The following TRIM66 variants were observed in gnomAD, a reference collection of about 807,000 sequenced individuals.
TRIM66 encodes the protein tripartite motif-containing protein 66.
Under a neutral mutation model 148.2 loss-of-function variants are expected in TRIM66, and 99 were observed. The observed-to-expected ratio is 0.67, with a 90% CI of 0.57 to 0.79. The LOEUF is 0.79. TRIM66 is among the 30% of genes least tolerant of loss of function. The pLI, the probability that TRIM66 is intolerant of heterozygous loss-of-function variation, is 0.00. For synonymous variants in TRIM66, 616 were observed against 635.9 expected (o/e 0.97, Z 0.47); for missense variants, 1,666 against 1,697.9 (o/e 0.98, Z 0.33).
chr11:8,678,569 C>A (rs918730645), intron 3 of TRIM66, among the ~76,000 whole-genome samples: 5 of 152,100 alleles, frequency 3.3e-5, no homozygotes, highest in Non-Finnish European at 5.9e-5. Context: ...GTTGTACTGT[C>A]TATTACGTAT....
chr11:8,661,017 T>C (rs1021108998), intron 6 of TRIM66, among the ~76,000 whole-genome samples: 4 of 152,152 alleles, frequency 2.6e-5, no homozygotes, highest in East Asian at 1.9e-4. Flanking sequence ...CTGCAAGCAA[T>C]TGGAAGCCTT....
In TRIM66 at chr11:8,616,328, A is replaced by T. The variant is rs969307685; in HGVS notation, c.*1616T>A. ...AGAAGAAATGTTTTCTAATTAAAAA[A>T]CTGCTCATTAGCAAAGGCCCTACAA... On this transcript the variant is annotated 3_prime_UTR_variant, in exon 25 of 25. Transcript: ENST00000646038. 1 of 152,224 alleles carries T rather than the reference A, an allele frequency of 6.6e-6. No individual in the cohort carries two copies. Among genetic ancestry groups the T allele is most frequent in the Middle Eastern group, 3.2e-3 (1 of 316 alleles). The allele number at this position is 152,224 out of a possible 1,614,324, so 9.4% of individuals were successfully genotyped here.
At chr11:8,668,678 C>A (rs1043520809) in intron 6 of TRIM66, among the ~76,000 whole-genome samples, 1 of 152,002 alleles carries the variant, frequency 6.6e-6, no homozygotes, top group Non-Finnish European at 1.5e-5. Flanking sequence ...CTCCGCCTCC[C>A]GGGTTCACAC....
At chr11:8,626,050 A>G (rs1439774346) in intron 15 of TRIM66, among the ~76,000 whole-genome samples, 1 of 152,228 alleles carries the variant, frequency 6.6e-6, no homozygotes, top group Non-Finnish European at 1.5e-5. Flanking sequence ...CTCCAAAATT[A>G]TTTTCTTACA....
chr11:8,623,000 C>A, intron 17 of TRIM66, 124 bp from the exon 18 acceptor site: 1 of 761,744 alleles, frequency 1.3e-6, no homozygotes, highest in Non-Finnish European at 2.2e-6. Flanking sequence ...CAGTAGTTAC[C>A]TACACTATAG....
At chr11:8,677,876 G>A (rs2133559822) in intron 3 of TRIM66, among the ~76,000 whole-genome samples, 1 of 152,228 alleles carries the variant, frequency 6.6e-6, no homozygotes, top group Non-Finnish European at 1.5e-5. Flanking sequence ...TCCAACACAG[G>A]AAAGAAAGAC....
chr11:8,680,290 G>A (rs982989302), intron 1 of TRIM66, among the ~76,000 whole-genome samples: 2 of 152,200 alleles, frequency 1.3e-5, no homozygotes, highest in Non-Finnish European at 2.9e-5. Context: ...AGGAGCTACC[G>A]AACTTTTTGA....
intron 16 of TRIM66, 31 bp downstream of exon 16, chr11:8,624,682 G>A: frequency 6.8e-7 from 1 of 1,480,700 alleles, no homozygotes; most frequent in South Asian, 1.4e-5. Flanking sequence ...ATGAACAAAG[G>A]AAGTTTGGAT....
At chr11:8,653,484 G>A (rs1357617811) in intron 6 of TRIM66, among the ~76,000 whole-genome samples, 2 of 152,112 alleles carry the variant, frequency 1.3e-5, no homozygotes, top group East Asian at 3.9e-4. Context: ...GTTCTCAGTT[G>A]TCTCAGGCAT....
rs1415454587 is a variant in TRIM66, at chr11:8,619,451, A to G, written c.3832T>C (p.Tyr1278His). ...GATACCACCTCCTCTGGGGTGGTATAGTGAGCTGGGTCCTTCTTTTGCAGC... is the reference window on the plus strand; with the variant it reads ...GATACCACCTCCTCTGGGGTGGTATGGTGAGCTGGGTCCTTCTTTTGCAGC... ...RKLQKKDPAHYTTPEEVVSDV... is the reference protein window; with the variant it reads ...RKLQKKDPAHHTTPEEVVSDV... The change falls in exon 23 of 25, where the codon TAT (tyrosine) becomes CAT (histidine). Residue 1278 changes from tyrosine to histidine, a missense_variant. Tyr to His is a moderately conservative substitution (Grantham distance 83, BLOSUM62 2). Around this residue, in one of 3 missense-constraint regions of TRIM66, gnomAD observed 204 missense variants for 231.0 expected, o/e 0.88. Transcript: ENST00000646038. 2 of 1,551,382 alleles carry G rather than the reference A, an allele frequency of 1.3e-6. No homozygotes were observed. Among genetic ancestry groups the G allele is most frequent in the Non-Finnish European group, 1.7e-6 (2 of 1,146,814 alleles).
At chr11:8,647,318 G>C (rs1379926579) in intron 10 of TRIM66, among the ~76,000 whole-genome samples, 1 of 152,136 alleles carries the variant, frequency 6.6e-6, no homozygotes, top group Non-Finnish European at 1.5e-5. Context: ...GGGCATTGAA[G>C]TCACCACAGA....
intron 4 of TRIM66, among the ~76,000 whole-genome samples, chr11:8,673,319 A>G (rs1254331832): frequency 6.6e-6 from 1 of 152,158 alleles, no homozygotes; most frequent in Non-Finnish European, 1.5e-5. Context: ...TTAGTGTTTC[A>G]TTGTGATAAT....
intron 6 of TRIM66, chr11:8,663,350 C>T (rs2038386915): frequency 6.6e-6 from 1 of 152,186 alleles, no homozygotes; most frequent in Non-Finnish European, 1.5e-5. Context: ...ATGCCTGAAA[C>T]AGTGGATAGT....
upstream of TRIM66, chr11:8,683,053 C>A: frequency 1.1e-6 from 1 of 890,062 alleles, no homozygotes; most frequent in Non-Finnish European, 1.8e-6. Context: ...TGAGACCTCA[C>A]GGCCCTGAGC....
At chr11:8,669,546 C>T (rs1000516268) in intron 6 of TRIM66, among the ~76,000 whole-genome samples, 10 of 151,506 alleles carry the variant, frequency 6.6e-5, no homozygotes, top group Middle Eastern at 3.4e-3. Context: ...GGGAGGTTGA[C>T]GCAGGAGAAT....
At chr11:8,675,451 T>C (rs1410956823) in intron 3 of TRIM66, among the ~76,000 whole-genome samples, 1 of 152,216 alleles carries the variant, frequency 6.6e-6, no homozygotes, top group Non-Finnish European at 1.5e-5. Context: ...GGCGTGATCT[T>C]GGCTCATAGA....
In TRIM66 at chr11:8,615,635, G is replaced by A. The variant is rs889879951; in HGVS notation, c.*2309C>T. On this transcript the variant is annotated 3_prime_UTR_variant, in exon 25 of 25. Transcript: ENST00000646038. ...AGGTCTAAAGGAAAAGCCAGCGAGA[G>A]GCAGGTGTGTAAAGGGAGCCTCTCA... 6.6e-6 allele frequency: 1 copy of A among 152,016 alleles called. No homozygotes were observed. Among genetic ancestry groups the A allele is most frequent in the Non-Finnish European group, 1.5e-5 (1 of 68,014 alleles). The allele number at this position is 152,016 out of a possible 1,614,324, so 9.4% of individuals were successfully genotyped here.
intron 12 of TRIM66, 49 bp downstream of exon 12, chr11:8,645,692 C>T (rs748871915): frequency 1.6e-4 from 248 of 1,547,652 alleles, no homozygotes; most frequent in Non-Finnish European, 2.1e-4. Flanking sequence ...AAAGGGGATG[C>T]TCTGATAAGC....
chr11:8,649,927 A>G, intron 7 of TRIM66, 40 bp from the exon 8 acceptor site: 1 of 1,534,918 alleles, frequency 6.5e-7, no homozygotes, highest in Non-Finnish European at 8.8e-7. Flanking sequence ...TGTTATCCTC[A>G]TTTGTGTCTG....
Sources: gnomAD v4.1 joint callset for allele counts (sites outside exome capture counted in the v4.1 genomes callset) on GRCh38, gnomAD v4.1.1 for gene constraint, gnomAD v4.1.1 regional missense constraint, MANE v1.5 for transcripts, NCBI Gene and HGNC (gene_info 2026-07-23, HGNC 2026-07-21) for gene names.